CLDN16: variants seen among roughly 807,000 people sequenced by gnomAD.
The protein encoded by CLDN16 is claudin-16.
A neutral mutation model predicts 24.6 loss-of-function variants in CLDN16; 13 were observed. That is an observed-to-expected ratio of 0.53 (90% CI 0.34 to 0.84). CLDN16 has a LOEUF of 0.84. CLDN16 is among the 40% of genes least tolerant of loss of function. CLDN16 has a pLI of 0.01. For synonymous variants in CLDN16, 116 were observed against 106.7 expected, an observed-to-expected ratio of 1.09 and a Z score of -0.54; for missense variants, 298 against 292.7, an observed-to-expected ratio of 1.02 and a Z score of -0.13.
At chr3:190,402,308 T>C in intron 1 of CLDN16, 29 bp from the exon 2 acceptor site, 1 of 1,544,472 alleles carries the variant, frequency 6.5e-7, no homozygotes. Context: ...GCATGAATTG[T>C]TTCACACGGT....
intron 1 of CLDN16, among the ~76,000 whole-genome samples, chr3:190,369,838 T>C (rs1042540004): frequency 1.3e-5 from 2 of 151,934 alleles, no homozygotes; most frequent in African/African-American, 4.8e-5. Flanking sequence ...AAACCAGCCC[T>C]GGCTCTGTTT....
chr3:190,320,849 A>G (rs971258220), upstream of CLDN16, among the ~76,000 whole-genome samples: 1 of 152,222 alleles, frequency 6.6e-6, no homozygotes, highest in African/African-American at 2.4e-5. Context: ...GACACATGAT[A>G]TAAGACAATT....
chr3:190,312,522 C>T, the CLDN16 span, among the ~76,000 whole-genome samples: 1 of 152,308 alleles, frequency 6.6e-6, no homozygotes. Flanking sequence ...TCACTACTCC[C>T]CATCTTTTCC....
At position 190,410,020 on chromosome 3, in the gene CLDN16, T is replaced by C; in HGVS notation, c.692T>C (p.Val231Ala). 1.9e-6 allele frequency: 3 copies of C among 1,614,130 alleles called. No individual in the cohort carries two copies. Among genetic ancestry groups the C allele is most frequent in the Non-Finnish European group, 2.5e-6 (3 of 1,180,002 alleles). The change falls in exon 5 of 5, where the codon GTA (valine) becomes GCA (alanine). Residue 231 changes from valine to alanine, a missense_variant. Physicochemically the swap from Val to Ala is moderately conservative, Grantham distance 64. Transcript: ENST00000264734. ...PRTETAKMYA[V>A]DTRV ...ACAGAGACGGCCAAAATGTATGCTGTAGACACAAGGGTGTAAAATGCACGT... is the reference window on the plus strand; with the variant it reads ...ACAGAGACGGCCAAAATGTATGCTGCAGACACAAGGGTGTAAAATGCACGT...
intron 2 of CLDN16, among the ~76,000 whole-genome samples, chr3:190,372,342 A>G (rs1718159759): frequency 6.6e-6 from 1 of 151,816 alleles, no homozygotes; most frequent in African/African-American, 2.4e-5. Context: ...CAAACAAACC[A>G]AAATTAGAGC....
rs574621818 is a variant in CLDN16 at position 190,380,329 on chromosome 3, G to A, written n.306+5726G>A. 1.5e-4 allele frequency among the ~76,000 whole-genome samples: 22 copies of A among 151,244 alleles called. 1 individual carries two copies. In the South Asian group the frequency reaches 4.6e-3, roughly 31 times the overall value. On this transcript the variant is annotated intron_variant and non_coding_transcript_variant, in intron 3 of 4. Coordinates refer to the CLDN16 transcript ENST00000468220. The stretch of plus-strand genomic sequence containing the variant: ...TCTAGAGGTATCAAATATATAGAAA[G>A]CTTAATTGTGACATACTAAACTATC...
intron 1 of CLDN16, among the ~76,000 whole-genome samples, chr3:190,359,331 C>T (rs16865412): frequency 0.17 from 25,599 of 152,010 alleles, 2,508 homozygotes; most frequent in East Asian, 0.47. Context: ...AAATTTGACT[C>T]TCTTAATGCC....
chr3:190,409,398 T>C (rs1719211630), intron 4 of CLDN16, among the ~76,000 whole-genome samples: 1 of 151,896 alleles, frequency 6.6e-6, no homozygotes, highest in African/African-American at 2.4e-5. Flanking sequence ...TATGCATATA[T>C]GTAGATATAC....
At chr3:190,387,921 G>C (rs960371235), upstream of CLDN16, 20 of 608,252 alleles carry the variant, frequency 3.3e-5, no homozygotes, top group African/African-American at 3.1e-4. Context: ...GAGGGCCTAA[G>C]AAAGATCAGT....
chr3:190,322,030 G>A (rs756618263), upstream of CLDN16: 7 of 1,614,106 alleles, frequency 4.3e-6, no homozygotes, highest in South Asian at 1.1e-5. Context: ...GGATCTGCCC[G>A]GTGCTCTGCG....
chr3:190,373,690 A>ACTG (rs1290610771), intron 2 of CLDN16, among the ~76,000 whole-genome samples: 1 of 151,912 alleles, frequency 6.6e-6, no homozygotes, highest in African/African-American at 2.4e-5. Flanking sequence ...GCTCTTAGAG[A>ACTG]ACAGGTGTCA....
At chr3:190,339,619 G>T (rs1428204164) in intron 1 of CLDN16, among the ~76,000 whole-genome samples, 1 of 152,192 alleles carries the variant, frequency 6.6e-6, no homozygotes, top group Non-Finnish European at 1.5e-5. Context: ...AAACTTGTAA[G>T]ATAGGTCAGC....
chr3:190,369,966 C>T lies in CLDN16; in HGVS notation n.122-927C>T, dbSNP rs150520319. Among the ~76,000 whole-genome samples the T allele has an allele frequency of 6.6e-5, 10 of 151,980 alleles. No homozygotes were observed. The East Asian group carries it at 7.8e-4, about 12-fold the overall frequency. On this transcript the variant is annotated intron_variant and non_coding_transcript_variant, in intron 1 of 4. Coordinates refer to the CLDN16 transcript ENST00000468220. ...TGAGAATTGGCAAAAAGCCTTAATG[C>T]GAATTTTGTATTCCGAGAAAGGCTG...
chr3:190,394,103 A>G (rs1718755461), intron 1 of CLDN16, among the ~76,000 whole-genome samples: 1 of 152,182 alleles, frequency 6.6e-6, no homozygotes, highest in South Asian at 2.1e-4. Context: ...CAGGGAAATA[A>G]GACAGATAAT....
chr3:190,360,481 A>G (rs776250230), intron 1 of CLDN16, among the ~76,000 whole-genome samples: 59 of 151,946 alleles, frequency 3.9e-4, no homozygotes, highest in Admixed American at 8.5e-4. Flanking sequence ...AAGAGATAAT[A>G]AGAAACTCAA....
At chr3:190,402,536 T>A in intron 2 of CLDN16, 97 bp downstream of exon 2, 1 of 928,262 alleles carries the variant, frequency 1.1e-6, no homozygotes, top group Non-Finnish European at 1.8e-6. Context: ...TATTGTACTA[T>A]ATTAAGGTTC....
chr3:190,396,613 G>A lies in CLDN16; in HGVS notation c.115-5724G>A, dbSNP rs529285015. The stretch of plus-strand genomic sequence containing the variant: ...CTGTATCTCCAGCATTAATATAGTC[G>A]GCATGTTGACTAGTAAATGACAGGC... On this transcript the variant is annotated intron_variant, in intron 1 of 4. Transcript: ENST00000264734. 5.9e-5 allele frequency among the ~76,000 whole-genome samples: 9 copies of A among 152,132 alleles called. No individual in the cohort carries two copies. The South Asian group carries it at 6.2e-4, about 11-fold the overall frequency.
chr3:190,371,341 G>T (rs1577413631), intron 2 of CLDN16, among the ~76,000 whole-genome samples: 1 of 151,786 alleles, frequency 6.6e-6, no homozygotes, highest in African/African-American at 2.4e-5. Flanking sequence ...ATATGTGAGG[G>T]TTATGCTTGC....
At chr3:190,297,415 C>CAT in the CLDN16 span, among the ~76,000 whole-genome samples, 17 of 146,130 alleles carry the variant, frequency 1.2e-4, no homozygotes, top group East Asian at 1.4e-3. Context: ...TTTCATTTTA[C>CAT]ATATATATAT....
Sources: gnomAD v4.1 joint callset for allele counts (sites outside exome capture counted in the v4.1 genomes callset) on GRCh38, gnomAD v4.1.1 for gene constraint, MANE v1.5 for transcripts, NCBI Gene and HGNC (gene_info 2026-07-23, HGNC 2026-07-21) for gene names.